The following FYB1 variants were observed in gnomAD, a reference collection of about 807,000 sequenced individuals.
FYB1 encodes the protein FYN-binding protein 1.
Under a neutral mutation model 94.1 loss-of-function variants are expected in FYB1, and 41 were observed. That is an observed-to-expected ratio of 0.44 (90% CI 0.34 to 0.57). FYB1 has a LOEUF of 0.57. FYB1 is among the 20% of genes least tolerant of loss of function. The pLI is 0.02. For synonymous variants in FYB1, 367 were observed against 353.2 expected (o/e 1.04, Z -0.44); for missense variants, 1,050 against 976.8 (o/e 1.07, Z -1.00).
intron 1 of FYB1, among the ~76,000 whole-genome samples, chr5:39,210,786 A>G (rs1417494268): frequency 6.6e-6 from 1 of 152,212 alleles, no homozygotes; most frequent in Non-Finnish European, 1.5e-5. Flanking sequence ...TGATGTGGGA[A>G]GACCGCTTGA....
At chr5:39,186,599 C>T (rs935720297) in intron 2 of FYB1, among the ~76,000 whole-genome samples, 3 of 137,930 alleles carry the variant, frequency 2.2e-5, no homozygotes, top group Non-Finnish European at 4.6e-5. Flanking sequence ...TATGTTTAAG[C>T]AAAACAAAAT....
chr5:39,194,952 C>T (rs1002159327), intron 2 of FYB1, among the ~76,000 whole-genome samples: 7 of 152,132 alleles, frequency 4.6e-5, no homozygotes, highest in Non-Finnish European at 1.0e-4. Context: ...AGAAGAGTGA[C>T]ACCAGCCACA....
intron 1 of FYB1, among the ~76,000 whole-genome samples, chr5:39,239,021 TAA>T (rs1751092305): frequency 6.6e-6 from 1 of 152,108 alleles, no homozygotes; most frequent in Non-Finnish European, 1.5e-5. Flanking sequence ...TGCAAATCAG[TAA>T]GTGTGATTCG....
intron 2 of FYB1, among the ~76,000 whole-genome samples, chr5:39,157,718 A>AG (rs1043104643): frequency 2.0e-5 from 3 of 152,088 alleles, no homozygotes; most frequent in South Asian, 2.1e-4. Flanking sequence ...CCCAAAGCTC[A>AG]GGGGGGGAAT....
chr5:39,270,785 A>G (rs1005396692), intron 1 of FYB1: 9 of 453,518 alleles, frequency 2.0e-5, no homozygotes, highest in African/African-American at 1.6e-4. Context: ...TCTTGTTATT[A>G]TTTTTCAATA....
At chr5:39,272,971 GAA>G (rs200702223) in intron 1 of FYB1, among the ~76,000 whole-genome samples, 3 of 151,448 alleles carry the variant, frequency 2.0e-5, no homozygotes, top group Non-Finnish European at 4.4e-5. Flanking sequence ...TTTTGGCTAA[GAA>G]AAAAAAAGAA....
At chr5:39,212,894 G>A (rs1163323445) in intron 1 of FYB1, 1 of 151,834 alleles carries the variant, frequency 6.6e-6, no homozygotes, top group Non-Finnish European at 1.5e-5. Context: ...TTTCTTCTGA[G>A]TGTTCTAGAG....
intron 1 of FYB1, among the ~76,000 whole-genome samples, chr5:39,271,895 G>A (rs774757222): frequency 6.6e-6 from 1 of 152,148 alleles, no homozygotes; most frequent in Non-Finnish European, 1.5e-5. Context: ...CAAGAGCGAG[G>A]TATGGGACCC....
chr5:39,156,380 C>T (rs975546252), intron 2 of FYB1, among the ~76,000 whole-genome samples: 1 of 152,150 alleles, frequency 6.6e-6, no homozygotes. Context: ...CCTTGAGTTG[C>T]CAGCAGCAGT....
intron 16 of FYB1, among the ~76,000 whole-genome samples, chr5:39,116,848 A>G (rs892077039): frequency 1.3e-5 from 2 of 152,106 alleles, no homozygotes; most frequent in Non-Finnish European, 2.9e-5. Context: ...ATAAGCAAAA[A>G]AAAAAAGAAT....
rs551170033 is a variant in FYB1 at position 39,247,520 on chromosome 5, A to G, written c.-28+26883T>C. 2.0e-4 allele frequency among the ~76,000 whole-genome samples: 30 copies of G among 152,272 alleles called. No homozygotes were observed. In the East Asian group the frequency reaches 4.6e-3, roughly 24 times the overall value. On this transcript the variant is annotated intron_variant, in intron 1 of 1. Transcript: ENST00000510188. ...TGGCACAGTTCAGAAAACTGGGTTC[A>G]TGTCAACAGATTAACATCCTAAAAT...
Position 39,202,114 on chromosome 5 carries a change from T to C in FYB1, c.847A>G (p.Lys283Glu). 1 of 1,613,998 alleles carries C rather than the reference T, an allele frequency of 6.2e-7. No individual in the cohort carries two copies. Among genetic ancestry groups the C allele is most frequent in the Non-Finnish European group, 8.5e-7 (1 of 1,179,886 alleles). Residue 283 changes from lysine (K) to glutamate (E), a missense_variant, in exon 2 of 19, where the codon AAG becomes GAG. Lys to Glu is a moderately conservative substitution (Grantham distance 56). Transcript: ENST00000512982. Reference protein sequence around the residue: ...PGLSKNGEEKKEDRKIDAAKN... With the variant: ...PGLSKNGEEKEEDRKIDAAKN... The stretch of plus-strand genomic sequence containing the variant: ...GCAGCATCTATCTTCCTATCTTCCT[T>C]TTTTTCTTCACCATTTTTGGAGAGA...
At chr5:39,154,799 G>T (rs539379012) in intron 2 of FYB1, among the ~76,000 whole-genome samples, 1 of 152,020 alleles carries the variant, frequency 6.6e-6, no homozygotes, top group African/African-American at 2.4e-5. Flanking sequence ...TCACTGTGTT[G>T]ACCAGGCTGG....
At chr5:39,178,457 T>C (rs1439207102) in intron 2 of FYB1, among the ~76,000 whole-genome samples, 1 of 152,150 alleles carries the variant, frequency 6.6e-6, no homozygotes, top group Admixed American at 6.6e-5. Context: ...TCAGACTCTA[T>C]AGTCGTCAAA....
At chr5:39,198,707 G>A (rs1748042906) in intron 2 of FYB1, among the ~76,000 whole-genome samples, 1 of 152,096 alleles carries the variant, frequency 6.6e-6, no homozygotes, top group African/African-American at 2.4e-5. Context: ...AGTGTTCAGA[G>A]CATGTTTAAG....
intron 1 of FYB1, among the ~76,000 whole-genome samples, chr5:39,255,777 G>A (rs761404605): frequency 1.3e-5 from 2 of 152,180 alleles, no homozygotes; most frequent in East Asian, 1.9e-4. Flanking sequence ...AACATAAAAA[G>A]CAGGCTTGTG....
chr5:39,173,051 C>T (rs1272740267), intron 2 of FYB1, among the ~76,000 whole-genome samples: 1 of 152,144 alleles, frequency 6.6e-6, no homozygotes, highest in Admixed American at 6.5e-5. Flanking sequence ...GGCTGAACTA[C>T]CTTACATTCC....
chr5:39,238,185 ATATT>A (rs945004049), intron 1 of FYB1, among the ~76,000 whole-genome samples: 2 of 152,030 alleles, frequency 1.3e-5, no homozygotes, highest in African/African-American at 4.8e-5. Flanking sequence ...AAAAAGAACA[ATATT>A]TATTGAGAAG....
intron 6 of FYB1, chr5:39,138,048 G>C: frequency 3.2e-6 from 1 of 314,852 alleles, no homozygotes; most frequent in Non-Finnish European, 6.0e-6. Flanking sequence ...ATGCACACGT[G>C]CCTGTGCATT....
Sources: gnomAD v4.1 joint callset for allele counts (sites outside exome capture counted in the v4.1 genomes callset) on GRCh38, gnomAD v4.1.1 for gene constraint, MANE v1.5 for transcripts, NCBI Gene and HGNC (gene_info 2026-07-23, HGNC 2026-07-21) for gene names.